Variants in L3MBTL1 observed in about 807,000 individuals in gnomAD.
L3MBTL1 encodes lethal(3)malignant brain tumor-like protein 1.
In L3MBTL1, 75 loss-of-function variants were observed where a neutral mutation model predicts 105.3. The ratio of observed to expected loss-of-function variants is 0.71; its 90% CI spans 0.59 to 0.86. The LOEUF (loss-of-function observed/expected upper bound fraction) is 0.86, where lower values mean the gene tolerates loss of function less well. L3MBTL1 is among the 40% of genes least tolerant of loss of function. The pLI is 0.00. For synonymous variants in L3MBTL1, 452 were observed against 436.2 expected (o/e 1.04, Z -0.45); for missense variants, 1,069 against 1,126.4 (o/e 0.95, Z 0.73).
At chr20:43,515,929 A>T (rs528947578) in intron 6 of L3MBTL1, 164 bp from the exon 7 acceptor site, 25 of 600,012 alleles carry the variant, frequency 4.2e-5, no homozygotes, top group African/African-American at 3.0e-4. Context: ...TGATAGGGGG[A>T]TGTCTGCTGG....
rs745680399 is a variant in L3MBTL1, at chr20:43,515,275, G to C, written c.654-17G>C. On this transcript the variant is annotated splice_polypyrimidine_tract_variant and intron_variant, in intron 5 of 21. Transcript: ENST00000418998. ...GCAGGGCGGGTGGTTCTTTCCCTAA[G>C]GCTGGCCCTTCCTCAGGTCAGTCAT... 6 of 1,610,666 alleles carry C rather than the reference G, an allele frequency of 3.7e-6. No individual in the cohort carries two copies. In the South Asian group the frequency reaches 6.6e-5, roughly 18 times the overall value.
At chr20:43,519,784 G>A (rs1242043067) in intron 7 of L3MBTL1, among the ~76,000 whole-genome samples, 1 of 152,192 alleles carries the variant, frequency 6.6e-6, no homozygotes, top group African/African-American at 2.4e-5. Context: ...GGGACTACAG[G>A]CACCCTGCTC....
intron 1 of L3MBTL1, among the ~76,000 whole-genome samples, chr20:43,508,793 A>G (rs1388999217): frequency 6.6e-6 from 1 of 152,244 alleles, no homozygotes; most frequent in African/African-American, 2.4e-5. Context: ...AAGAAGCTGA[A>G]CTGCTGATGT....
chr20:43,543,316 G>A (rs3830163), downstream of L3MBTL1, among the ~76,000 whole-genome samples: 20,399 of 152,126 alleles, frequency 0.13, 1,598 homozygotes, highest in African/African-American at 0.18. Context: ...GCAGAACCAC[G>A]TGGCACGCTG....
exon 19 of L3MBTL1, chr20:43,550,015 G>A (rs1266014985): frequency 2.0e-5 from 3 of 152,126 alleles, no homozygotes; most frequent in Non-Finnish European, 4.4e-5. Context: ...CTTAGAGGCA[G>A]CTTTGAGCAC....
chr20:43,530,987 C>T, intron 11 of L3MBTL1, 98 bp downstream of exon 11: 1 of 951,754 alleles, frequency 1.1e-6, no homozygotes, highest in Non-Finnish European at 1.6e-6. Context: ...AGCTCATGTG[C>T]TGGTTCTCTC....
rs1386673501 is a variant in L3MBTL1, at chr20:43,529,250, CTG to C, written c.952-11_952-10del. 6.3e-7 allele frequency: 1 copy of C among 1,594,374 alleles called. No individual in the cohort carries two copies. Among genetic ancestry groups the C allele is most frequent in the East Asian group, 2.2e-5 (1 of 44,524 alleles). ...GGATGGAAGCTGGGTCCTCTCCACT[CTG>C]TGCGTTGACAGTCCCAGGCAGTCAC... is the stretch of plus-strand genomic sequence containing the variant. On this transcript the variant is annotated splice_polypyrimidine_tract_variant and intron_variant, in intron 8 of 21. Transcript: ENST00000418998.
At chr20:43,526,666 C>T (rs1039429665) in intron 7 of L3MBTL1, among the ~76,000 whole-genome samples, 1 of 152,190 alleles carries the variant, frequency 6.6e-6, no homozygotes, top group African/African-American at 2.4e-5. Flanking sequence ...AGCTGCAAGA[C>T]AGGTGCTTCT....
chr20:43,533,424 C>T lies in L3MBTL1; in HGVS notation c.1513+6C>T, dbSNP rs892657253. 7 of 1,610,304 alleles carry T rather than the reference C, an allele frequency of 4.3e-6. No homozygotes were observed. The Admixed American group carries it at 8.4e-5, about 19-fold the overall frequency. On this transcript the variant is annotated splice_donor_region_variant and intron_variant, in intron 13 of 21. Coordinates refer to ENST00000418998, the MANE Select transcript of L3MBTL1 (RefSeq NM_001377303.1). ...GCCCCTCACCCCTCCACAAGGTGACCCTGCAGCCTGAGCAAGCCCCCTTTC... is the reference window on the plus strand; with the variant it reads ...GCCCCTCACCCCTCCACAAGGTGACTCTGCAGCCTGAGCAAGCCCCCTTTC...
In L3MBTL1 at chr20:43,513,572, G is replaced by T; in HGVS notation, c.69G>T (p.Met23Ile). The change falls in exon 2 of 22, where the codon ATG becomes ATT. Residue 23 changes from methionine to isoleucine, a missense_variant. Physicochemically the swap from Met to Ile is conservative, Grantham distance 10 (BLOSUM62 1). Transcript: ENST00000418998. ...LKGPSTGEVS[M>I]HLVAGDSPGS... ...GGCCTTCCACAGGGGAGGTCAGCAT[G>T]CACTTGGTGGCCGGAGACAGCCCCG... 1 of 1,550,674 alleles carries T rather than the reference G, an allele frequency of 6.4e-7. No individual in the cohort carries two copies. Among genetic ancestry groups the T allele is most frequent in the Non-Finnish European group, 8.7e-7 (1 of 1,147,014 alleles).
chr20:43,526,686 G>A (rs1000678760), intron 7 of L3MBTL1, among the ~76,000 whole-genome samples: 1 of 152,206 alleles, frequency 6.6e-6, no homozygotes, highest in African/African-American at 2.4e-5. Context: ...TAGGCCGAGT[G>A]CGGTGGTTCA....
intron 7 of L3MBTL1, among the ~76,000 whole-genome samples, chr20:43,520,489 T>C (rs1451023012): frequency 6.6e-6 from 1 of 152,198 alleles, no homozygotes; most frequent in East Asian, 1.9e-4. Context: ...TTTTTCAAAG[T>C]GTCTGTACCA....
rs370359049 is a variant in L3MBTL1 at position 43,536,211 on chromosome 20, G to A, written c.2040G>A (p.Ala680=). The stretch of plus-strand genomic sequence containing the variant: ...AGAGGAACCAGAGCCGGCTGAAAGC[G>A]GAGCTGTCTGACTCGGAGGCCTCAG... ...LAERNQSRLK[A]ELSDSEASAR... is the part of the protein sequence containing the mutation. The change falls in exon 18 of 22, where the codon GCG becomes GCA. Residue 680 remains alanine (A), a synonymous_variant. Transcript: ENST00000418998. The A allele has an allele frequency of 3.6e-5, 58 of 1,612,852 alleles. 1 individual carries two copies. Among genetic ancestry groups the A allele is most frequent in the East Asian group, 2.2e-4 (10 of 44,836 alleles).
At chr20:43,517,050 G>A (rs2018434938) in intron 7 of L3MBTL1, among the ~76,000 whole-genome samples, 1 of 150,816 alleles carries the variant, frequency 6.6e-6, no homozygotes, top group South Asian at 2.1e-4. Flanking sequence ...TCCTGCCTAG[G>A]CTTCCCAAAG....
chr20:43,508,441 G>T (rs1414094552), intron 1 of L3MBTL1, among the ~76,000 whole-genome samples: 2 of 152,188 alleles, frequency 1.3e-5, no homozygotes, highest in African/African-American at 4.8e-5. Context: ...AGTTTGTAGC[G>T]CTCAGCCTTG....
chr20:43,529,472 A>C, intron 9 of L3MBTL1, 104 bp downstream of exon 9: 1 of 801,596 alleles, frequency 1.2e-6, no homozygotes. Context: ...CTCAGAGCAC[A>C]CACAATCTAG....
At chr20:43,537,782 C>T (rs747416932) in intron 19 of L3MBTL1, among the ~76,000 whole-genome samples, 7 of 152,148 alleles carry the variant, frequency 4.6e-5, no homozygotes, top group Non-Finnish European at 8.8e-5. Flanking sequence ...TGCACCTTGG[C>T]GAGACCCAAG....
chr20:43,544,154 C>T (rs1380235170), downstream of L3MBTL1, among the ~76,000 whole-genome samples: 1 of 152,194 alleles, frequency 6.6e-6, no homozygotes, highest in Non-Finnish European at 1.5e-5. Flanking sequence ...CAGCTTCCTG[C>T]TTCCCAAATG....
intron 7 of L3MBTL1, among the ~76,000 whole-genome samples, chr20:43,525,571 T>A (rs1265810578): frequency 6.9e-6 from 1 of 144,772 alleles, no homozygotes; most frequent in Non-Finnish European, 1.6e-5. Flanking sequence ...CACAGGAGCC[T>A]TGGGACTTAC....
Sources: allele counts gnomAD v4.1 joint callset (sites outside exome capture counted in the v4.1 genomes callset), GRCh38; gene constraint gnomAD v4.1.1; transcripts MANE v1.5; gene names NCBI Gene and HGNC (gene_info 2026-07-23, HGNC 2026-07-21).